Variants in CCDC141 observed in about 807,000 individuals in gnomAD.
The protein encoded by CCDC141 is coiled-coil domain containing 141, also known as coiled-coil domain-containing protein 141.
CCDC141 carries 168 observed loss-of-function variants against 181.0 expected under a neutral mutation model. That is an observed-to-expected ratio of 0.93 (90% CI 0.82 to 1.05). The LOEUF (loss-of-function observed/expected upper bound fraction) is 1.05. Ranked by LOEUF, CCDC141 falls within the 50% of genes least tolerant of loss-of-function variation. The probability of loss-of-function intolerance (pLI) is 0.00; values close to 1 mark genes in which losing one functional copy is unlikely to be tolerated. For synonymous variants in CCDC141, 666 were observed against 642.3 expected (o/e 1.04, Z -0.56); for missense variants, 1,902 against 1,788.5 (o/e 1.06, Z -1.14).
chr2:178,884,270 C>T (rs1285540833), intron 11 of CCDC141, among the ~76,000 whole-genome samples: 2 of 149,510 alleles, frequency 1.3e-5, no homozygotes, highest in Non-Finnish European at 3.0e-5. Flanking sequence ...AATCTCGGGA[C>T]CCCAAACTCA....
intron 2 of CCDC141, among the ~76,000 whole-genome samples, chr2:179,010,681 CA>C (rs1291952850): frequency 1.3e-5 from 2 of 152,050 alleles, no homozygotes; most frequent in African/African-American, 4.8e-5. Flanking sequence ...GGAAACACAA[CA>C]AAACAGAACC....
chr2:178,873,417 A>G (rs1408826309), intron 12 of CCDC141: 11 of 152,152 alleles, frequency 7.2e-5, no homozygotes, highest in Admixed American at 7.2e-4. Flanking sequence ...GAAAGATATT[A>G]GACAACTACA....
chr2:178,872,214 A>C lies in CCDC141; in HGVS notation c.1998T>G (p.Leu666=). Residue 666 remains leucine, a synonymous_variant, in exon 13 of 24, where the codon CTT becomes CTG. Coordinates refer to ENST00000443758, the MANE Select transcript of CCDC141 (RefSeq NM_173648.4). ...QKAEREELSL[L]RLAWQLKATE... ...TGGCTTTAAGCTGCCATGCCAGCCG[A>C]AGGAGGCTAAGTTCTTCCCGTTCTG... 7 of 1,613,984 alleles carry C rather than the reference A, an allele frequency of 4.3e-6. No homozygotes were observed. Among genetic ancestry groups the C allele is most frequent in the Non-Finnish European group, 5.9e-6 (7 of 1,179,948 alleles).
intron 23 of CCDC141, 23 bp from the exon 24 acceptor site, chr2:178,834,463 A>C (rs1197117690): frequency 3.3e-6 from 5 of 1,533,722 alleles, no homozygotes; most frequent in Non-Finnish European, 4.4e-6. Flanking sequence ...GGCAGTTTTT[A>C]AAGTCAGGAT....
At chr2:178,870,231 C>CAA (rs34625707) in intron 14 of CCDC141, among the ~76,000 whole-genome samples, 2,129 of 59,096 alleles carry the variant, frequency 0.036, 208 homozygotes, top group East Asian at 0.17. Flanking sequence ...GACTCTGTCT[C>CAA]AAAAAAAAAA....
chr2:179,007,243 A>C (rs1045492207), intron 2 of CCDC141, among the ~76,000 whole-genome samples: 2 of 152,234 alleles, frequency 1.3e-5, no homozygotes, highest in African/African-American at 4.8e-5. Flanking sequence ...CAGACTGTCC[A>C]TGAGCTGGAG....
chr2:179,005,698 G>A (rs940180774), intron 2 of CCDC141, among the ~76,000 whole-genome samples: 8 of 151,870 alleles, frequency 5.3e-5, no homozygotes, highest in African/African-American at 9.7e-5. Context: ...GCAGTGGTGC[G>A]ATCTCAGCTC....
the CCDC141 span, chr2:178,817,438 C>G: frequency 4.3e-6 from 2 of 464,906 alleles, no homozygotes; most frequent in African/African-American, 4.0e-5. Flanking sequence ...AAGACTCATG[C>G]TCTTTTTCTG....
chr2:179,026,175 A>G (rs568837229), intron 2 of CCDC141, among the ~76,000 whole-genome samples: 35 of 152,318 alleles, frequency 2.3e-4, no homozygotes, highest in African/African-American at 7.2e-4. Context: ...TTCCCACACA[A>G]TGGAGCAAAT....
intron 22 of CCDC141, among the ~76,000 whole-genome samples, chr2:178,838,888 T>C (rs1201291638): frequency 1.3e-5 from 2 of 152,208 alleles, no homozygotes; most frequent in African/African-American, 2.4e-5. Flanking sequence ...CCCTGTTGCA[T>C]AGACTCAAAA....
intron 2 of CCDC141, among the ~76,000 whole-genome samples, chr2:179,034,942 T>C (rs962226719): frequency 6.6e-6 from 1 of 152,188 alleles, no homozygotes; most frequent in African/African-American, 2.4e-5. Context: ...AATATTTTTC[T>C]CCCTATCTAT....
rs74822380 is a variant in CCDC141, at chr2:179,035,955, A to G, written c.225+11329T>C. ...GTACTGGGTCTTTTCAAAGTTGCCA[A>G]AAGAGTTGACAGTATTCACTATAAC... On this transcript the variant is annotated intron_variant, in intron 2 of 23. Coordinates refer to ENST00000443758, the MANE Select transcript of CCDC141 (RefSeq NM_173648.4). Among the ~76,000 whole-genome samples the G allele has an allele frequency of 4.5e-3, 687 of 152,336 alleles. 2 individuals are homozygous for G. The highest frequency in any genetic ancestry group is 0.016 in the African/African-American group (661 of 41,580).
intron 2 of CCDC141, among the ~76,000 whole-genome samples, chr2:179,015,009 A>C (rs967252280): frequency 6.9e-6 from 1 of 144,980 alleles, no homozygotes; most frequent in East Asian, 2.0e-4. Flanking sequence ...TTGCAAAATC[A>C]TGGAACAAAC....
chr2:178,853,540 T>C lies in CCDC141; in HGVS notation c.3145A>G (p.Lys1049Glu), dbSNP rs1401765268. The change falls in exon 20 of 24, where the codon AAA (lysine) becomes GAA (glutamate). Residue 1049 changes from lysine (K) to glutamate (E), a missense_variant. Physicochemically the swap from Lys to Glu is moderately conservative, Grantham distance 56. Transcript: ENST00000443758. The stretch of plus-strand genomic sequence containing the variant: ...TTATTAAACTGCTGGTGGAGAATTT[T>C]CACAGCTTCCTTTGTCTTGCACTCT... Reference protein sequence around the residue: ...STECKTKEAVKILHQQFNKFI... With the variant: ...STECKTKEAVEILHQQFNKFI... 12 of 1,614,164 alleles carry C rather than the reference T, an allele frequency of 7.4e-6. No homozygotes were observed. The highest frequency in any genetic ancestry group is 1.0e-5 in the Non-Finnish European group (12 of 1,179,996).
intron 6 of CCDC141, among the ~76,000 whole-genome samples, chr2:178,919,626 A>G (rs1480287490): frequency 6.6e-6 from 1 of 152,258 alleles, no homozygotes; most frequent in East Asian, 1.9e-4. Flanking sequence ...ATTTAAGTAT[A>G]AAAACATATC....
chr2:179,027,662 A>C, intron 2 of CCDC141, among the ~76,000 whole-genome samples: 1 of 143,422 alleles, frequency 7.0e-6, no homozygotes, highest in East Asian at 2.0e-4. Flanking sequence ...AAAAAAAAAA[A>C]AAAAAAAAAA....
At chr2:178,883,786 C>T (rs1686739959) in intron 11 of CCDC141, among the ~76,000 whole-genome samples, 1 of 151,878 alleles carries the variant, frequency 6.6e-6, no homozygotes. Flanking sequence ...TAAAATAGGG[C>T]TTTTCTATTA....
At chr2:178,868,527 G>A (rs2154368866) in intron 15 of CCDC141, among the ~76,000 whole-genome samples, 1 of 145,866 alleles carries the variant, frequency 6.9e-6, no homozygotes, top group East Asian at 2.1e-4. Flanking sequence ...TCCATCTTAT[G>A]TTAATAGAGA....
At chr2:179,032,212 G>A (rs1453075392) in intron 2 of CCDC141, among the ~76,000 whole-genome samples, 2 of 152,076 alleles carry the variant, frequency 1.3e-5, no homozygotes, top group Non-Finnish European at 2.9e-5. Flanking sequence ...GGACCAAGCA[G>A]CAGAAAGGAT....
Sources: gnomAD v4.1 joint callset for allele counts (sites outside exome capture counted in the v4.1 genomes callset) on GRCh38, gnomAD v4.1.1 for gene constraint, MANE v1.5 for transcripts, NCBI Gene and HGNC (gene_info 2026-07-23, HGNC 2026-07-21) for gene names.